Variants in NRXN3 observed in about 807,000 individuals in gnomAD.
NRXN3 encodes neurexin III.
A neutral mutation model predicts 137.6 loss-of-function variants in NRXN3; 32 were observed. The observed-to-expected ratio is 0.23, with a 90% CI of 0.18 to 0.31. The LOEUF is 0.31. Among genes scored for constraint, NRXN3 ranks in the 10% least tolerant of loss-of-function variants. NRXN3 has a pLI of 1.00. For synonymous variants in NRXN3, 798 were observed against 784.5 expected (o/e 1.02, Z -0.29); for missense variants, 1,574 against 2,062.5 (o/e 0.76, Z 4.59).
chr14:79,750,634 A>G (rs1400377360), intron 19 of NRXN3, among the ~76,000 whole-genome samples: 1 of 152,162 alleles, frequency 6.6e-6, no homozygotes, highest in East Asian at 1.9e-4. Context: ...CCTACCCATT[A>G]GGAAACAGCC....
intron 19 of NRXN3, among the ~76,000 whole-genome samples, chr14:79,763,393 A>ATATT (rs1383402311): frequency 8.6e-5 from 13 of 151,700 alleles, no homozygotes; most frequent in Non-Finnish European, 1.6e-4. Flanking sequence ...TCTTTATAGT[A>ATATT]GAATGATTTA....
At chr14:78,528,268 G>A (rs554520393) in intron 4 of NRXN3, among the ~76,000 whole-genome samples, 66 of 152,264 alleles carry the variant, frequency 4.3e-4, no homozygotes, top group African/African-American at 1.5e-3. Context: ...GGAGGTGATT[G>A]ATTTTCAGTG....
chr14:79,399,273 G>A (rs1476179639), intron 15 of NRXN3, among the ~76,000 whole-genome samples: 1 of 152,074 alleles, frequency 6.6e-6, no homozygotes, highest in African/African-American at 2.4e-5. Context: ...TTTTACTGCT[G>A]AAAAATACTT....
At chr14:78,377,363 C>T (rs1417226074) in intron 4 of NRXN3, among the ~76,000 whole-genome samples, 1 of 152,108 alleles carries the variant, frequency 6.6e-6, no homozygotes, top group Admixed American at 6.6e-5. Context: ...CACTGCAATC[C>T]TAAATGTACA....
At chr14:79,596,535 T>G (rs1012616690) in intron 16 of NRXN3, among the ~76,000 whole-genome samples, 2 of 152,142 alleles carry the variant, frequency 1.3e-5, no homozygotes, top group African/African-American at 4.8e-5. Flanking sequence ...AGGTTAATTT[T>G]GCAGAATAAA....
intron 17 of NRXN3, among the ~76,000 whole-genome samples, chr14:79,680,058 T>G (rs1288466915): frequency 6.6e-6 from 1 of 152,144 alleles, no homozygotes; most frequent in African/African-American, 2.4e-5. Context: ...GCCATTCACA[T>G]GCTAAAGAAA....
rs79616162 is a variant in NRXN3 at position 78,547,937 on chromosome 14, A to G, written c.758-97183A>G. Among the ~76,000 whole-genome samples the G allele has an allele frequency of 4.2e-4, 64 of 152,316 alleles. No individual in the cohort carries two copies. In the East Asian group the frequency reaches 0.012, roughly 28 times the overall value. On this transcript the variant is annotated intron_variant, in intron 4 of 20. Transcript: ENST00000335750. Reference sequence around the variant, plus strand: ...ATAAACTTCAGCAGGCATTATTAATACAGTTCAGGTAAAATTGAAATAAAA... The same window carrying G: ...ATAAACTTCAGCAGGCATTATTAATGCAGTTCAGGTAAAATTGAAATAAAA...
intron 15 of NRXN3, among the ~76,000 whole-genome samples, chr14:79,133,769 C>CT (rs528976263): frequency 4.1e-5 from 6 of 146,666 alleles, no homozygotes; most frequent in African/African-American, 1.5e-4. Context: ...ACTAAAAATA[C>CT]AAAAAAAAAA....
intron 19 of NRXN3, among the ~76,000 whole-genome samples, chr14:79,791,552 T>C (rs1387222900): frequency 1.4e-5 from 2 of 147,694 alleles, no homozygotes; most frequent in African/African-American, 2.5e-5. Flanking sequence ...TAATTATATA[T>C]AATAAATTAT....
intron 15 of NRXN3, among the ~76,000 whole-genome samples, chr14:79,148,810 T>C (rs1295238590): frequency 6.6e-6 from 1 of 152,130 alleles, no homozygotes; most frequent in Non-Finnish European, 1.5e-5. Context: ...ACTAATTTCT[T>C]AGCATTCTTC....
At chr14:78,200,353 C>T (rs1257950115) in intron 1 of NRXN3, among the ~76,000 whole-genome samples, 1 of 152,166 alleles carries the variant, frequency 6.6e-6, no homozygotes, top group East Asian at 1.9e-4. Context: ...GAATGTGCAA[C>T]TTGGGGGATG....
chr14:78,502,045 G>A (rs1567775196), intron 4 of NRXN3, among the ~76,000 whole-genome samples: 1 of 152,062 alleles, frequency 6.6e-6, no homozygotes, highest in South Asian at 2.1e-4. Flanking sequence ...AGATGTGTTC[G>A]CACAGATGTC....
chr14:78,177,325 T>A (rs962314274), intron 1 of NRXN3, among the ~76,000 whole-genome samples: 1 of 152,106 alleles, frequency 6.6e-6, no homozygotes, highest in Non-Finnish European at 1.5e-5. Context: ...CTAGGGTTGG[T>A]CTTGACCTTG....
chr14:79,625,390 A>G (rs957693005), intron 16 of NRXN3, among the ~76,000 whole-genome samples: 5 of 152,192 alleles, frequency 3.3e-5, no homozygotes, highest in Middle Eastern at 3.2e-3. Context: ...GGTTGTTTCC[A>G]TATCTTAGCT....
intron 4 of NRXN3, among the ~76,000 whole-genome samples, chr14:78,471,517 C>T (rs2095272051): frequency 6.6e-6 from 1 of 152,164 alleles, no homozygotes; most frequent in Non-Finnish European, 1.5e-5. Flanking sequence ...AGGTCTGCTC[C>T]CTCTCCTTCA....
At position 78,177,568 on chromosome 14, in the gene NRXN3, C is replaced by G. The variant is rs550036499; in HGVS notation, c.-704+6894C>G. On this transcript the variant is annotated intron_variant, in intron 1 of 20. Coordinates refer to ENST00000335750, the MANE Select transcript of NRXN3 (RefSeq NM_001330195.2). ...GCCTTTGTCCTAGTGTAATTAGTAA[C>G]TCTCAAAAGTGTCCCGGTTTGGATG... Among the ~76,000 whole-genome samples the G allele has an allele frequency of 1.6e-3, 251 of 152,240 alleles. 1 individual carries two copies. Among genetic ancestry groups the G allele is most frequent in the Middle Eastern group, 6.8e-3 (2 of 294 alleles).
At chr14:79,019,992 CA>C (rs1170207884) in intron 15 of NRXN3, among the ~76,000 whole-genome samples, 1 of 152,048 alleles carries the variant, frequency 6.6e-6, no homozygotes, top group Non-Finnish European at 1.5e-5. Flanking sequence ...TAACTGACAG[CA>C]TGGTCTTGAA....
chr14:79,055,559 A>G (rs2099658177), intron 15 of NRXN3, among the ~76,000 whole-genome samples: 1 of 152,188 alleles, frequency 6.6e-6, no homozygotes, highest in Non-Finnish European at 1.5e-5. Context: ...ATTTAAGTAT[A>G]CCTATATACA....
chr14:79,034,093 T>C (rs1479183098), intron 15 of NRXN3, among the ~76,000 whole-genome samples: 1 of 152,060 alleles, frequency 6.6e-6, no homozygotes, highest in Non-Finnish European at 1.5e-5. Flanking sequence ...CAGGGTCACT[T>C]AATTAAAATG....
Sources: gnomAD v4.1 joint callset for allele counts (sites outside exome capture counted in the v4.1 genomes callset) on GRCh38, gnomAD v4.1.1 for gene constraint, MANE v1.5 for transcripts, NCBI Gene and HGNC (gene_info 2026-07-23, HGNC 2026-07-21) for gene names.